Variants in MED12L observed in about 807,000 individuals in gnomAD.
The protein encoded by MED12L is mediator complex subunit 12L.
Under a neutral mutation model 281.3 loss-of-function variants are expected in MED12L, and 60 were observed. The ratio of observed to expected loss-of-function variants is 0.21; its 90% confidence interval spans 0.17 to 0.26. The LOEUF (loss-of-function observed/expected upper bound fraction) is 0.26. Ranked by LOEUF, MED12L falls within the 10% of genes least tolerant of loss-of-function variation. MED12L has a pLI of 1.00. For synonymous variants in MED12L, 974 were observed against 987.2 expected (o/e 0.99, Z 0.25); for missense variants, 2,146 against 2,680.9 (o/e 0.80, Z 4.41).
chr3:151,397,859 T>A (rs1715183394), intron 39 of MED12L, among the ~76,000 whole-genome samples: 1 of 152,216 alleles, frequency 6.6e-6, no homozygotes, highest in African/African-American at 2.4e-5. Context: ...ATAACAAACA[T>A]ATTAGAGAAT....
chr3:151,287,712 T>C (rs1743720402), intron 16 of MED12L, among the ~76,000 whole-genome samples: 1 of 152,194 alleles, frequency 6.6e-6, no homozygotes, highest in Non-Finnish European at 1.5e-5. Flanking sequence ...TAAAGGTTTA[T>C]TAAAAAGTAA....
At chr3:151,368,449 G>GA (rs1755553018) in intron 25 of MED12L, among the ~76,000 whole-genome samples, 198 bp downstream of exon 25, 1 of 152,048 alleles carries the variant, frequency 6.6e-6, no homozygotes, top group Non-Finnish European at 1.5e-5. Flanking sequence ...GATATATTGA[G>GA]AAATACGAAT....
chr3:151,143,693 C>T (rs1717363314), intron 5 of MED12L, among the ~76,000 whole-genome samples: 1 of 152,106 alleles, frequency 6.6e-6, no homozygotes, highest in South Asian at 2.1e-4. Flanking sequence ...AGCATTGTCC[C>T]CCAAGACCTG....
chr3:151,355,353 C>A, intron 18 of MED12L, 114 bp downstream of exon 18: 1 of 658,844 alleles, frequency 1.5e-6, no homozygotes, highest in South Asian at 2.1e-5. Flanking sequence ...ATTTTATAAA[C>A]ATACTTGGAA....
chr3:151,332,763 T>C (rs1750498213), intron 16 of MED12L, among the ~76,000 whole-genome samples: 1 of 152,136 alleles, frequency 6.6e-6, no homozygotes, highest in East Asian at 1.9e-4. Flanking sequence ...TTATTTTAGG[T>C]TCAGGGGTAC....
At chr3:151,297,654 T>C (rs1057509323) in intron 16 of MED12L, among the ~76,000 whole-genome samples, 4 of 152,244 alleles carry the variant, frequency 2.6e-5, no homozygotes, top group African/African-American at 9.6e-5. Context: ...GGATCTGCTA[T>C]GCATACCTAT....
intron 5 of MED12L, among the ~76,000 whole-genome samples, chr3:151,151,226 A>T (rs1718456345): frequency 6.6e-6 from 1 of 150,742 alleles, no homozygotes; most frequent in Non-Finnish European, 1.5e-5. Flanking sequence ...TTTAGTAGAG[A>T]CGGTGTTTCA....
At chr3:151,207,039 G>A (rs1046773514) in intron 16 of MED12L, among the ~76,000 whole-genome samples, 2 of 149,980 alleles carry the variant, frequency 1.3e-5, no homozygotes, top group African/African-American at 4.9e-5. Context: ...CCTTTTCCTA[G>A]CCATGTGATT....
intron 16 of MED12L, among the ~76,000 whole-genome samples, chr3:151,244,505 T>C (rs1339748809): frequency 2.7e-5 from 4 of 148,154 alleles, no homozygotes; most frequent in Non-Finnish European, 6.0e-5. Flanking sequence ...AACAACCTGC[T>C]CCTGAATGAC....
Position 151,433,616 on chromosome 3 carries a change from T to TC in MED12L, c.*814dup, listed in dbSNP as rs1363851012. 1 of 152,378 alleles carries TC rather than the reference T, an allele frequency of 6.6e-6. No homozygotes were observed. The highest frequency in any genetic ancestry group is 1.5e-5 in the Non-Finnish European group (1 of 68,034). 9.4% of individuals were successfully genotyped at this position (152,378 alleles called of 1,614,324 possible). ...GCCTGAAAGAACTGCAGTGGAATCG[T>TC]CCAACTATTTATTGCCAGTTTTGGT... is the stretch of plus-strand genomic sequence containing the variant. On this transcript the variant is annotated 3_prime_UTR_variant, in exon 45 of 45. Coordinates refer to ENST00000687756, the MANE Select transcript of MED12L (RefSeq NM_001393769.1).
intron 16 of MED12L, among the ~76,000 whole-genome samples, chr3:151,240,533 G>T (rs938011552): frequency 3.5e-4 from 53 of 152,348 alleles, no homozygotes; most frequent in African/African-American, 1.3e-3. Flanking sequence ...ACAGAAGAGG[G>T]TCACAGAGGT....
At chr3:151,185,257 T>C (rs1490452190) in intron 11 of MED12L, 73 bp from the exon 12 acceptor site, 2 of 1,494,462 alleles carry the variant, frequency 1.3e-6, no homozygotes, top group Admixed American at 1.9e-5. Context: ...GATATTCCCT[T>C]GCTTGCTTCC....
intron 16 of MED12L, among the ~76,000 whole-genome samples, chr3:151,333,312 A>G (rs4680356): frequency 0.31 from 46,955 of 152,056 alleles, 7,274 homozygotes; most frequent in Non-Finnish European, 0.31. Context: ...GTCCTTTGAG[A>G]AAAGCCAAAC....
chr3:151,141,187 G>GTTTGTTTTTTTGTTTTT (rs1716933163), intron 5 of MED12L, among the ~76,000 whole-genome samples: 8 of 99,108 alleles, frequency 8.1e-5, no homozygotes, highest in African/African-American at 3.8e-4. Context: ...TGTTTTTTTT[G>GTTTGTTTTTTTGTTTTT]TTTTTTTTTT....
chr3:151,426,881 G>C (rs1304107411), intron 43 of MED12L, among the ~76,000 whole-genome samples: 1 of 150,786 alleles, frequency 6.6e-6, no homozygotes, highest in African/African-American at 2.4e-5. Context: ...GCAGTGGTAC[G>C]ATCACGGCTC....
At chr3:151,339,803 A>G (rs934011327) in intron 16 of MED12L, among the ~76,000 whole-genome samples, 1 of 152,032 alleles carries the variant, frequency 6.6e-6, no homozygotes, top group African/African-American at 2.4e-5. Context: ...AAACTTAACA[A>G]GTGACTTGAA....
intron 16 of MED12L, among the ~76,000 whole-genome samples, chr3:151,224,871 G>A (rs1730176993): frequency 1.3e-5 from 2 of 152,072 alleles, no homozygotes; most frequent in African/African-American, 2.4e-5. Context: ...TTTGCCTCCT[G>A]TGTACCCCTG....
At chr3:151,246,551 G>C (rs1577105628) in intron 16 of MED12L, among the ~76,000 whole-genome samples, 1 of 152,132 alleles carries the variant, frequency 6.6e-6, no homozygotes, top group African/African-American at 2.4e-5. Context: ...ATGGTGCTGG[G>C]AAAACTGGCT....
At chr3:151,242,065 C>T (rs1332345295) in intron 16 of MED12L, among the ~76,000 whole-genome samples, 16 of 152,218 alleles carry the variant, frequency 1.1e-4, no homozygotes, top group East Asian at 7.7e-4. Flanking sequence ...GCTTTTCCGA[C>T]GGGCTTAAAA....
Sources: gnomAD v4.1 joint callset for allele counts (sites outside exome capture counted in the v4.1 genomes callset) on GRCh38, gnomAD v4.1.1 for gene constraint, MANE v1.5 for transcripts, NCBI Gene and HGNC (gene_info 2026-07-23, HGNC 2026-07-21) for gene names.